The following ARHGAP6 variants were observed in gnomAD, a reference collection of about 807,000 sequenced individuals.
ARHGAP6 encodes the protein rho GTPase-activating protein 6.
ARHGAP6 carries 16 observed loss-of-function variants against 55.7 expected under a neutral mutation model. That is an observed-to-expected ratio of 0.29 (90% CI 0.19 to 0.44). The LOEUF is 0.44. Among genes scored for constraint, ARHGAP6 ranks in the 20% least tolerant of loss-of-function variants. The pLI is 1.00. For missense variants in ARHGAP6, 698 were observed against 808.9 expected (o/e 0.86, Z 1.66); for synonymous variants, 382 against 360.9 (o/e 1.06, Z -0.66).
At chrX:11,483,093 G>A (rs969585319) in intron 1 of ARHGAP6, among the ~76,000 whole-genome samples, 5 of 111,617 alleles carry the variant, frequency 4.5e-5, no homozygotes, top group African/African-American at 9.8e-5. Context: ...AGAACTCTTC[G>A]TGCTGCCCTC....
chrX:11,416,431 T>C (rs67319852), intron 1 of ARHGAP6, among the ~76,000 whole-genome samples: 9,356 of 111,429 alleles, frequency 0.084, 437 homozygotes, highest in African/African-American at 0.17. Flanking sequence ...TGCCTATGTT[T>C]GCAGAATCAG....
chrX:11,220,398 C>T (rs1192238705), intron 2 of ARHGAP6, among the ~76,000 whole-genome samples: 1 of 111,358 alleles, frequency 9.0e-6, no homozygotes, highest in Non-Finnish European at 1.9e-5. Context: ...TCGGGTTACC[C>T]TCAAAGGGAA....
intron 1 of ARHGAP6, among the ~76,000 whole-genome samples, chrX:11,451,557 C>A (rs960747412): frequency 3.6e-5 from 4 of 112,172 alleles, no homozygotes; most frequent in African/African-American, 1.3e-4. Flanking sequence ...TCTAGCAATA[C>A]AAGTAACAGT....
At chrX:11,194,522 A>T (rs2046504604) in intron 3 of ARHGAP6, among the ~76,000 whole-genome samples, 1 of 111,941 alleles carries the variant, frequency 8.9e-6, no homozygotes, top group African/African-American at 3.3e-5. Flanking sequence ...CGGATCACTG[A>T]CACTTTCACC....
At chrX:11,353,500 G>T (rs2048887208) in intron 1 of ARHGAP6, among the ~76,000 whole-genome samples, 2 of 110,184 alleles carry the variant, frequency 1.8e-5, no homozygotes, top group African/African-American at 6.6e-5. Flanking sequence ...TTGCTAGGGT[G>T]TCCTTATTTA....
chrX:11,258,249 T>C (rs1447374741), intron 1 of ARHGAP6, among the ~76,000 whole-genome samples: 2 of 110,312 alleles, frequency 1.8e-5, no homozygotes, highest in Non-Finnish European at 3.8e-5. Flanking sequence ...GGGATGCTGA[T>C]TCCAATTTGA....
At chrX:11,259,024 AG>A (rs1485935933) in intron 1 of ARHGAP6, among the ~76,000 whole-genome samples, 1 of 111,806 alleles carries the variant, frequency 8.9e-6, no homozygotes, top group Non-Finnish European at 1.9e-5. Flanking sequence ...AAAAATGTAC[AG>A]TTAAGTTATT....
intron 1 of ARHGAP6, among the ~76,000 whole-genome samples, chrX:11,487,786 G>A (rs1424395832): frequency 9.0e-6 from 1 of 111,256 alleles, no homozygotes; most frequent in Non-Finnish European, 1.9e-5. Flanking sequence ...TGATATAAAT[G>A]AACAAATAGG....
intron 1 of ARHGAP6, among the ~76,000 whole-genome samples, chrX:11,614,493 T>C (rs2052140081): frequency 9.0e-6 from 1 of 110,719 alleles, no homozygotes; most frequent in African/African-American, 3.3e-5. Context: ...AACAACCAGA[T>C]CTCATGAGAA....
chrX:11,358,441 CTTTCTTTCTTT>C (rs2048961982), intron 1 of ARHGAP6, among the ~76,000 whole-genome samples: 4 of 68,668 alleles, frequency 5.8e-5, no homozygotes, highest in African/African-American at 1.9e-4. Flanking sequence ...ATCTTTCTTT[CTTTCTTTCTTT>C]CTTTCTTTCT....
At chrX:11,306,692 G>T (rs1259985634) in intron 1 of ARHGAP6, among the ~76,000 whole-genome samples, 1 of 111,993 alleles carries the variant, frequency 8.9e-6, no homozygotes, top group Admixed American at 9.4e-5. Flanking sequence ...TTCGTCATCC[G>T]CCTCTAGGAT....
Position 11,205,615 on chromosome X carries a change from C to T in ARHGAP6, c.749-8619G>A, listed in dbSNP as rs763618641. ...CAAGTATACCCCACCTTTTATGACT[C>T]CCAGACTAAAGTGCCCCATTTTTCT... On this transcript the variant is annotated intron_variant, in intron 2 of 12. Coordinates refer to ENST00000337414, the MANE Select transcript of ARHGAP6 (RefSeq NM_013427.3). 7.2e-5 allele frequency among the ~76,000 whole-genome samples: 8 copies of T among 111,783 alleles called. No homozygotes were observed. In the East Asian group the frequency reaches 2.2e-3, roughly 31 times the overall value.
intron 1 of ARHGAP6, among the ~76,000 whole-genome samples, chrX:11,447,309 T>C (rs1375635543): frequency 8.9e-6 from 1 of 112,147 alleles, no homozygotes; most frequent in Non-Finnish European, 1.9e-5. Flanking sequence ...CAAACTATGA[T>C]TTAAATGGTT....
At chrX:11,593,060 T>C (rs1286439975) in intron 1 of ARHGAP6, among the ~76,000 whole-genome samples, 3 of 112,516 alleles carry the variant, frequency 2.7e-5, no homozygotes, top group Admixed American at 1.9e-4. Context: ...AGTTGTTTCC[T>C]AAACAGTTTA....
At chrX:11,352,753 A>C (rs751024153) in intron 1 of ARHGAP6, among the ~76,000 whole-genome samples, 3 of 111,587 alleles carry the variant, frequency 2.7e-5, no homozygotes. Flanking sequence ...ACCCATGGGG[A>C]ATCTGAAATG....
intron 1 of ARHGAP6, among the ~76,000 whole-genome samples, chrX:11,383,821 A>G (rs991951379): frequency 3.6e-5 from 4 of 111,772 alleles, no homozygotes; most frequent in Non-Finnish European, 5.6e-5. Context: ...AGTACTGGAG[A>G]ACGAAGAAAT....
intron 1 of ARHGAP6, among the ~76,000 whole-genome samples, chrX:11,387,709 C>T (rs1278914354): frequency 9.0e-6 from 1 of 110,923 alleles, no homozygotes; most frequent in Non-Finnish European, 1.9e-5. Flanking sequence ...CCCGCTTCCC[C>T]CACCCCACAA....
intron 1 of ARHGAP6, among the ~76,000 whole-genome samples, chrX:11,406,232 G>C (rs749446524): frequency 1.5e-3 from 170 of 110,687 alleles, no homozygotes; most frequent in African/African-American, 5.3e-3. Context: ...ACTCGCATAA[G>C]TCATCAAGGA....
At position 11,315,031 on chromosome X, in the gene ARHGAP6, T is replaced by C. The variant is rs1371661299; in HGVS notation, c.589-60324A>G. ...AATCGTTCTGGTGAAATAAATCATC[T>C]CTGAAAAATATCTTTTGTTAGCCTG... is the stretch of plus-strand genomic sequence containing the variant. On this transcript the variant is annotated intron_variant, in intron 1 of 12. Transcript: ENST00000337414. Among the ~76,000 whole-genome samples, 4 of 112,435 alleles carry C rather than the reference T, an allele frequency of 3.6e-5. No individual in the cohort carries two copies. In the East Asian group the frequency reaches 1.1e-3, roughly 31 times the overall value.
Sources: gnomAD v4.1 joint callset for allele counts (sites outside exome capture counted in the v4.1 genomes callset) on GRCh38, gnomAD v4.1.1 for gene constraint, MANE v1.5 for transcripts, NCBI Gene and HGNC (gene_info 2026-07-23, HGNC 2026-07-21) for gene names.